The following MTOR variants were observed in gnomAD, a reference collection of about 807,000 sequenced individuals.
The protein encoded by MTOR is mechanistic target of rapamycin kinase.
A neutral mutation model predicts 319.8 loss-of-function variants in MTOR; 70 were observed. The ratio of observed to expected loss-of-function variants is 0.22; its 90% CI spans 0.18 to 0.27. The LOEUF (loss-of-function observed/expected upper bound fraction) is 0.27, where lower values mean the gene tolerates loss of function less well. Ranked by LOEUF, MTOR falls within the 10% of genes least tolerant of loss-of-function variation. The pLI is 1.00. For synonymous variants in MTOR, 1,183 were observed against 1,211.4 expected, an observed-to-expected ratio of 0.98 and a Z score of 0.49; for missense variants, 1,890 against 3,274.4, an observed-to-expected ratio of 0.58 and a Z score of 10.32.
intron 32 of MTOR, among the ~76,000 whole-genome samples, chr1:11,145,715 G>A (rs1206396109): frequency 6.6e-6 from 1 of 152,186 alleles, no homozygotes; most frequent in Non-Finnish European, 1.5e-5. Context: ...TGTTGGGCAG[G>A]CTGGTCTTGA....
intron 28 of MTOR, among the ~76,000 whole-genome samples, chr1:11,180,783 T>TTG (rs1645121607): frequency 1.4e-5 from 2 of 147,298 alleles, no homozygotes; most frequent in African/African-American, 4.9e-5. Flanking sequence ...TAAGGCAGGT[T>TTG]TTTTTTTTTT....
intron 8 of MTOR, among the ~76,000 whole-genome samples, chr1:11,247,424 C>T (rs1361794252): frequency 1.3e-5 from 2 of 152,166 alleles, no homozygotes; most frequent in African/African-American, 4.8e-5. Context: ...ATAGAATTGC[C>T]TCTCTGTTCT....
intron 28 of MTOR, among the ~76,000 whole-genome samples, chr1:11,187,818 C>T (rs529587186): frequency 6.6e-6 from 1 of 152,308 alleles, no homozygotes; most frequent in East Asian, 1.9e-4. Flanking sequence ...AAAAAGAGAG[C>T]AGACTGGCAG....
chr1:11,193,832 A>T, intron 28 of MTOR: 4 of 1,542,934 alleles, frequency 2.6e-6, no homozygotes, highest in Non-Finnish European at 3.6e-6. Flanking sequence ...ATGACCGCGT[A>T]CAACTCCGGG....
At chr1:11,215,900 C>G (rs1397225816) in intron 20 of MTOR, among the ~76,000 whole-genome samples, 1 of 152,200 alleles carries the variant, frequency 6.6e-6, no homozygotes, top group Non-Finnish European at 1.5e-5. Flanking sequence ...ACCCAATTGT[C>G]TATTTCTGGC....
At chr1:11,186,501 A>G (rs960467745) in intron 28 of MTOR, among the ~76,000 whole-genome samples, 1 of 152,198 alleles carries the variant, frequency 6.6e-6, no homozygotes, top group Non-Finnish European at 1.5e-5. Context: ...TTCCAGGAGC[A>G]CCAAGCTAGC....
intron 47 of MTOR, 78 bp from the exon 48 acceptor site, chr1:11,122,204 GTT>G: frequency 2.2e-6 from 3 of 1,375,228 alleles, no homozygotes; most frequent in Non-Finnish European, 3.0e-6. Context: ...CAGGCAGACT[GTT>G]TTTTTTTTCT....
intron 30 of MTOR, among the ~76,000 whole-genome samples, chr1:11,154,983 C>CA (rs1042869603): frequency 3.3e-5 from 5 of 151,968 alleles, no homozygotes. Context: ...TCCGTCTCTA[C>CA]AAAAAATAAA....
Position 11,128,315 on chromosome 1 carries a change from G to A in MTOR, c.5910+139C>T. 3 of 1,222,276 alleles carry A rather than the reference G, an allele frequency of 2.5e-6. No homozygotes were observed. The highest frequency in any genetic ancestry group is 2.2e-5 in the Admixed American group (1 of 44,522). 75.7% of individuals were successfully genotyped at this position (1,222,276 alleles called of 1,614,324 possible). On this transcript the variant is annotated intron_variant, in intron 42 of 57. Transcript: ENST00000361445. The surrounding 1 kb of genome is among the most constrained non-coding windows in gnomAD (Gnocchi z 5.3). ...CAAGGCTCCCGGGCCCTCTGGGACG[G>A]CTGGCTGGACAGACCCTCCTGGGCC...
chr1:11,232,815 CAGTG>C, intron 15 of MTOR: 1 of 506,584 alleles, frequency 2.0e-6, no homozygotes, highest in African/African-American at 1.9e-5. Flanking sequence ...ATGGAGGTTG[CAGTG>C]AGCCAAGATC....
chr1:11,163,717 G>A (rs1644551476), intron 29 of MTOR, among the ~76,000 whole-genome samples: 1 of 152,198 alleles, frequency 6.6e-6, no homozygotes, highest in African/African-American at 2.4e-5. Context: ...CAGAAATAAA[G>A]ATGTTCTTTG....
intron 38 of MTOR, 198 bp from the exon 39 acceptor site, chr1:11,130,975 ATATAACG>A: frequency 1.5e-6 from 1 of 671,496 alleles, no homozygotes; most frequent in Non-Finnish European, 2.5e-6. Flanking sequence ...AGCACTAACT[ATATAACG>A]TACTATGAGT....
At chr1:11,177,030 G>A (rs897213238) in intron 28 of MTOR, among the ~76,000 whole-genome samples, 1 of 152,178 alleles carries the variant, frequency 6.6e-6, no homozygotes, top group Admixed American at 6.5e-5. Flanking sequence ...CCGGAATGCA[G>A]ACAGGAGGGG....
chr1:11,194,530 C>G, intron 28 of MTOR: 1 of 1,614,152 alleles, frequency 6.2e-7, no homozygotes. Context: ...CAACAGCTAT[C>G]GCCTCTTCCT....
intron 6 of MTOR, among the ~76,000 whole-genome samples, chr1:11,249,952 T>C (rs1234167214): frequency 1.3e-5 from 2 of 148,322 alleles, no homozygotes; most frequent in East Asian, 2.1e-4. Context: ...CCAGACGGGG[T>C]GGTGGCCGGG....
Position 11,115,088 on chromosome 1 carries a change from A to C in MTOR, c.7090-201T>G, listed in dbSNP as rs911634369. On this transcript the variant is annotated intron_variant, in intron 51 of 57. Coordinates refer to ENST00000361445, the MANE Select transcript of MTOR (RefSeq NM_004958.4). This position sits in a 1 kb window ranked among gnomAD's most constrained non-coding sequence, Gnocchi z 4.5. ...AAAAAAAAGAAACGAACAACAGAAAAGAAGAGAAAACAAAAAGGAAAAAAG... is the reference window on the plus strand; with the variant it reads ...AAAAAAAAGAAACGAACAACAGAAACGAAGAGAAAACAAAAAGGAAAAAAG... Among the ~76,000 whole-genome samples, 1 of 152,032 alleles carries C rather than the reference A, an allele frequency of 6.6e-6. No individual in the cohort carries two copies. The highest frequency in any genetic ancestry group is 1.5e-5 in the Non-Finnish European group (1 of 68,004).
intron 1 of MTOR, among the ~76,000 whole-genome samples, chr1:11,260,118 T>C (rs763509553): frequency 3.3e-5 from 5 of 152,218 alleles, no homozygotes; most frequent in African/African-American, 7.2e-5. Context: ...CTACTACTAC[T>C]ACTATGTACA....
chr1:11,111,943 T>TA (rs1200962570), intron 54 of MTOR, among the ~76,000 whole-genome samples: 1 of 131,042 alleles, frequency 7.6e-6, no homozygotes, highest in Non-Finnish European at 1.6e-5. Context: ...TAAACAAAGT[T>TA]AAACAATTTT....
At chr1:11,210,972 A>T in intron 23 of MTOR, 66 bp from the exon 24 acceptor site, 1 of 949,036 alleles carries the variant, frequency 1.1e-6, no homozygotes, top group East Asian at 2.4e-5. Flanking sequence ...GTAGAGGAAA[A>T]AATATTATAC....
Sources: gnomAD v4.1 joint callset for allele counts (sites outside exome capture counted in the v4.1 genomes callset) on GRCh38, gnomAD v4.1.1 for gene constraint, Gnocchi (gnomAD v3.1) non-coding constraint, MANE v1.5 for transcripts, NCBI Gene and HGNC (gene_info 2026-07-23, HGNC 2026-07-21) for gene names.